Variants in PLEKHA2 observed in about 807,000 individuals in gnomAD.
PLEKHA2 encodes the protein pleckstrin homology domain-containing family A member 2.
Under a neutral mutation model 53.2 loss-of-function variants are expected in PLEKHA2, and 28 were observed. That is an observed-to-expected ratio of 0.53 (90% CI 0.39 to 0.72). The LOEUF is 0.72. Ranked by LOEUF, PLEKHA2 falls within the 30% of genes least tolerant of loss-of-function variation. The pLI is 0.00. For synonymous variants in PLEKHA2, 193 were observed against 196.4 expected, an observed-to-expected ratio of 0.98 and a Z score of 0.14; for missense variants, 426 against 537.9, an observed-to-expected ratio of 0.79 and a Z score of 2.06.
At chr8:38,941,496 GT>G (rs1226286904) in intron 3 of PLEKHA2, among the ~76,000 whole-genome samples, 1 of 152,208 alleles carries the variant, frequency 6.6e-6, no homozygotes, top group Non-Finnish European at 1.5e-5. Flanking sequence ...TCAATTAAAT[GT>G]TTATTAACAC....
chr8:38,927,725 T>C (rs911659818), intron 2 of PLEKHA2, among the ~76,000 whole-genome samples: 2 of 152,212 alleles, frequency 1.3e-5, no homozygotes, highest in African/African-American at 4.8e-5. Flanking sequence ...ATGGTAATGA[T>C]ATCAATGATC....
At chr8:38,948,725 G>C (rs1192414764) in intron 5 of PLEKHA2, among the ~76,000 whole-genome samples, 1 of 152,210 alleles carries the variant, frequency 6.6e-6, no homozygotes, top group Non-Finnish European at 1.5e-5. Flanking sequence ...AGCTGTAGAA[G>C]TGGGAGAGGA....
intron 9 of PLEKHA2, among the ~76,000 whole-genome samples, chr8:38,956,218 T>A (rs1834937897): frequency 6.6e-6 from 1 of 152,166 alleles, no homozygotes; most frequent in Non-Finnish European, 1.5e-5. Context: ...TTGGGCTGCT[T>A]TGAGGTTTGT....
intron 1 of PLEKHA2, among the ~76,000 whole-genome samples, chr8:38,902,229 G>A (rs1222884930): frequency 7.6e-6 from 1 of 131,092 alleles, no homozygotes; most frequent in Non-Finnish European, 1.6e-5. Flanking sequence ...GTGGGGGGGG[G>A]TGGTGGGAAG....
At position 38,969,618 on chromosome 8, in the gene PLEKHA2, A is replaced by T; in HGVS notation, c.1113A>T (p.Gly371=). 1 of 1,605,560 alleles carries T rather than the reference A, an allele frequency of 6.2e-7. No individual in the cohort carries two copies. The highest frequency in any genetic ancestry group is 8.5e-7 in the Non-Finnish European group (1 of 1,176,118). The part of the protein sequence containing the change: ...PQAGEKLLPP[G]DTSEDSLFTP... ...CTGGGGAGAAGCTGCTTCCACCTGG[A>T]GACACTTCAGAGGACTCCTTGTTCA... The change falls in exon 12 of 12, where the codon GGA becomes GGT. Residue 371 remains glycine (G), a synonymous_variant. Transcript: ENST00000617275.
rs543053976 is a variant in PLEKHA2, at chr8:38,908,959, A to G, written c.-24+7514A>G. On this transcript the variant is annotated intron_variant, in intron 1 of 11. Coordinates refer to ENST00000617275, the MANE Select transcript of PLEKHA2 (RefSeq NM_021623.2). ...GGAGATCGAGACCATCCTGGCCAACATGGTGAAACCCCATCTCTACTAAAA... is the reference window on the plus strand; with the variant it reads ...GGAGATCGAGACCATCCTGGCCAACGTGGTGAAACCCCATCTCTACTAAAA... Among the ~76,000 whole-genome samples the G allele has an allele frequency of 2.0e-5, 3 of 152,290 alleles. No individual in the cohort carries two copies. In the South Asian group the frequency reaches 6.2e-4, roughly 32 times the overall value.
chr8:38,901,534 C>T (rs1347093615), intron 1 of PLEKHA2, 89 bp downstream of exon 1: 1 of 151,842 alleles, frequency 6.6e-6, no homozygotes, highest in African/African-American at 2.4e-5. Flanking sequence ...GGGGGCGCCC[C>T]GGCGGAGGCC....
At chr8:38,967,171 T>C (rs1323031945) in intron 10 of PLEKHA2, among the ~76,000 whole-genome samples, 2 of 152,180 alleles carry the variant, frequency 1.3e-5, no homozygotes, top group East Asian at 3.8e-4. Context: ...GACACCACAT[T>C]TTCTTTATCG....
intron 2 of PLEKHA2, among the ~76,000 whole-genome samples, chr8:38,935,430 C>T (rs1373735047): frequency 7.1e-6 from 1 of 141,756 alleles, no homozygotes; most frequent in Non-Finnish European, 1.5e-5. Context: ...GGAGCTTACA[C>T]TTTTTTTTTT....
chr8:38,947,859 C>T (rs1196827019), intron 5 of PLEKHA2, among the ~76,000 whole-genome samples: 2 of 151,996 alleles, frequency 1.3e-5, no homozygotes, highest in East Asian at 1.9e-4. Flanking sequence ...GAGGCTGAGG[C>T]GGGTGGATCA....
chr8:38,940,551 G>A (rs1260282482), intron 3 of PLEKHA2, among the ~76,000 whole-genome samples: 2 of 151,168 alleles, frequency 1.3e-5, no homozygotes, highest in African/African-American at 4.9e-5. Flanking sequence ...CTGCAGGAAT[G>A]TGGACGCTGA....
intron 5 of PLEKHA2, among the ~76,000 whole-genome samples, chr8:38,947,426 G>A (rs1834735057): frequency 6.6e-6 from 1 of 151,998 alleles, no homozygotes; most frequent in Non-Finnish European, 1.5e-5. Context: ...TTCCAGCCTG[G>A]GCGACAAGAG....
chr8:38,950,694 A>T (rs1301266220), intron 5 of PLEKHA2, 156 bp from the exon 6 acceptor site: 1 of 822,954 alleles, frequency 1.2e-6, no homozygotes, highest in South Asian at 2.0e-5. Flanking sequence ...AGATGCTCAT[A>T]TTCAGATTTG....
chr8:38,914,531 A>G (rs1191274807), intron 1 of PLEKHA2, among the ~76,000 whole-genome samples: 1 of 152,218 alleles, frequency 6.6e-6, no homozygotes, highest in African/African-American at 2.4e-5. Context: ...CCATCTCACA[A>G]CTTTGTGTGG....
rs191474879 is a variant in PLEKHA2 at position 38,912,477 on chromosome 8, C to T, written c.-23-5430C>T. ...CTAAGTACCAATTACTACTGGCACT[C>T]CCCTTTCTCCCCTCACTGGCTCATT... On this transcript the variant is annotated intron_variant, in intron 1 of 11. Transcript: ENST00000617275. Among the ~76,000 whole-genome samples the T allele has an allele frequency of 3.4e-3, 518 of 152,304 alleles. 2 individuals carry two copies. The highest frequency in any genetic ancestry group is 6.8e-3 in the Middle Eastern group (2 of 294).
intron 1 of PLEKHA2, among the ~76,000 whole-genome samples, chr8:38,914,621 G>A (rs1834003933): frequency 6.6e-6 from 1 of 152,246 alleles, no homozygotes; most frequent in Admixed American, 6.5e-5. Flanking sequence ...AGCAGTGGGT[G>A]GGGTCTGACC....
chr8:38,948,013 G>A (rs1834747550), intron 5 of PLEKHA2, among the ~76,000 whole-genome samples: 1 of 150,432 alleles, frequency 6.6e-6, no homozygotes, highest in Non-Finnish European at 1.5e-5. Context: ...TTGAACCCAG[G>A]AGCTGGAGAT....
At position 38,973,839 on chromosome 8, in the gene PLEKHA2, A is replaced by AT. The variant is rs1356865254; in HGVS notation, c.*4058dup. 1 of 232,916 alleles carries AT rather than the reference A, an allele frequency of 4.3e-6. No individual in the cohort carries two copies. Among genetic ancestry groups the AT allele is most frequent in the African/African-American group, 2.4e-5 (1 of 42,102 alleles). The allele number at this position is 232,916 out of a possible 1,614,324, so 14.4% of individuals were successfully genotyped here. On this transcript the variant is annotated 3_prime_UTR_variant, in exon 12 of 12. Transcript: ENST00000617275. ...GCTTCTCATTTTATGTGATCTCCTA[A>AT]TTGGTATGTAGCAAAAATTTTCTAA...
intron 3 of PLEKHA2, among the ~76,000 whole-genome samples, chr8:38,939,690 C>T (rs1834564514): frequency 6.6e-6 from 1 of 152,222 alleles, no homozygotes; most frequent in Non-Finnish European, 1.5e-5. Flanking sequence ...GCCTGTGGTG[C>T]TCTCTCTAGT....
Sources: allele counts gnomAD v4.1 joint callset (sites outside exome capture counted in the v4.1 genomes callset), GRCh38; gene constraint gnomAD v4.1.1; transcripts MANE v1.5; gene names NCBI Gene and HGNC (gene_info 2026-07-23, HGNC 2026-07-21).